Variants in CUL1 observed in about 807,000 individuals in gnomAD.
CUL1 encodes the protein cullin-1.
A neutral mutation model predicts 118.0 loss-of-function variants in CUL1; 24 were observed. That is an observed-to-expected ratio of 0.20 (90% CI 0.15 to 0.29). The LOEUF (loss-of-function observed/expected upper bound fraction) is 0.29, where lower values mean the gene tolerates loss of function less well. Ranked by LOEUF, CUL1 falls within the 10% of genes least tolerant of loss-of-function variation. CUL1 has a pLI of 1.00. For synonymous variants in CUL1, 332 were observed against 340.4 expected, an observed-to-expected ratio of 0.98 and a Z score of 0.27; for missense variants, 361 against 933.8, an observed-to-expected ratio of 0.39 and a Z score of 7.99.
At chr7:148,758,442 G>C (rs1198593273) in intron 4 of CUL1, among the ~76,000 whole-genome samples, 1 of 152,088 alleles carries the variant, frequency 6.6e-6, no homozygotes, top group Non-Finnish European at 1.5e-5. Context: ...AGACCAGCCT[G>C]GGCAGCATAA....
chr7:148,718,759 G>T (rs1224846296), intron 1 of CUL1, among the ~76,000 whole-genome samples: 7 of 152,140 alleles, frequency 4.6e-5, no homozygotes, highest in African/African-American at 1.7e-4. Context: ...GTAGAATAAT[G>T]GGGCATGTGA....
At chr7:148,745,626 A>G (rs1419650578) in intron 2 of CUL1, among the ~76,000 whole-genome samples, 1 of 152,230 alleles carries the variant, frequency 6.6e-6, no homozygotes, top group Admixed American at 6.5e-5. Context: ...ATTAGGATGA[A>G]GATGGACTGG....
At chr7:148,773,779 C>G (rs1307585914) in intron 9 of CUL1, among the ~76,000 whole-genome samples, 2 of 152,158 alleles carry the variant, frequency 1.3e-5, no homozygotes, top group Non-Finnish European at 2.9e-5. Context: ...ACCTATTTAT[C>G]TCTCAAAACC....
chr7:148,781,437 C>T (rs1800629352), intron 9 of CUL1, among the ~76,000 whole-genome samples: 1 of 152,148 alleles, frequency 6.6e-6, no homozygotes, highest in Non-Finnish European at 1.5e-5. Flanking sequence ...CCTCCCATCT[C>T]ACCAGCCAGA....
At chr7:148,782,555 AT>A (rs1189792791) in intron 9 of CUL1, among the ~76,000 whole-genome samples, 1 of 152,180 alleles carries the variant, frequency 6.6e-6, no homozygotes, top group Non-Finnish European at 1.5e-5. Context: ...CTCTTATCAA[AT>A]GTTTATGTCA....
At chr7:148,768,378 CTTTTTTTTTTTTTT>C (rs10595637) in intron 9 of CUL1, among the ~76,000 whole-genome samples, 22 of 94,888 alleles carry the variant, frequency 2.3e-4, no homozygotes, top group African/African-American at 8.6e-4. Context: ...AAGAAAAGCT[CTTTTTTTTTTTTTT>C]TTTTTTTTTT....
intron 17 of CUL1, among the ~76,000 whole-genome samples, chr7:148,797,518 C>T (rs1454541385): frequency 6.6e-6 from 1 of 151,980 alleles, no homozygotes; most frequent in Non-Finnish European, 1.5e-5. Context: ...CCAGGCATTT[C>T]AGATAAGGGT....
chr7:148,713,582 G>GA (rs1000721707), intron 1 of CUL1, among the ~76,000 whole-genome samples: 1 of 151,722 alleles, frequency 6.6e-6, no homozygotes, highest in East Asian at 1.9e-4. Context: ...AACTCTAAGA[G>GA]AAAAAAAATT....
intron 9 of CUL1, among the ~76,000 whole-genome samples, chr7:148,781,904 C>T (rs1800651731): frequency 6.6e-6 from 1 of 152,144 alleles, no homozygotes; most frequent in Non-Finnish European, 1.5e-5. Flanking sequence ...TATATAAACC[C>T]TGTGAGGGGT....
chr7:148,712,747 A>C (rs71532740), intron 1 of CUL1, among the ~76,000 whole-genome samples: 2,374 of 152,306 alleles, frequency 0.016, 34 homozygotes, highest in Non-Finnish European at 0.023. Flanking sequence ...CAGATGATGA[A>C]ATACAGGCGC....
chr7:148,751,152 A>G (rs1267381559), intron 2 of CUL1, among the ~76,000 whole-genome samples: 2 of 152,092 alleles, frequency 1.3e-5, no homozygotes, highest in Non-Finnish European at 1.5e-5. Flanking sequence ...CTCTTAATAA[A>G]GTTAAACCCA....
intron 9 of CUL1, among the ~76,000 whole-genome samples, chr7:148,782,090 A>G (rs1257982678): frequency 6.6e-6 from 1 of 152,188 alleles, no homozygotes; most frequent in Non-Finnish European, 1.5e-5. Context: ...TGTAGGCTGG[A>G]GCACTTTGTA....
At chr7:148,699,705 G>A (rs1585516976) in intron 1 of CUL1, among the ~76,000 whole-genome samples, 1 of 152,080 alleles carries the variant, frequency 6.6e-6, no homozygotes, top group South Asian at 2.1e-4. Context: ...AGAGCGGGCC[G>A]GGGCATGCGC....
chr7:148,749,285 T>C (rs4541821), intron 2 of CUL1, among the ~76,000 whole-genome samples: 2 of 151,520 alleles, frequency 1.3e-5, no homozygotes, highest in African/African-American at 4.9e-5. Context: ...GGCGTGGTGA[T>C]GCACGCCTGT....
intron 2 of CUL1, among the ~76,000 whole-genome samples, chr7:148,733,935 G>A (rs1479896063): frequency 2.0e-5 from 3 of 151,904 alleles, no homozygotes; most frequent in Non-Finnish European, 4.4e-5. Context: ...GACATTTGTG[G>A]TTGCTGTAGC....
chr7:148,734,347 T>C (rs965747575), intron 2 of CUL1, among the ~76,000 whole-genome samples: 10 of 152,138 alleles, frequency 6.6e-5, no homozygotes, highest in Non-Finnish European at 1.0e-4. Context: ...TGGGGTCAGG[T>C]GATCACCCCG....
At chr7:148,766,314 C>G (rs1800003791) in intron 7 of CUL1, among the ~76,000 whole-genome samples, 1 of 151,972 alleles carries the variant, frequency 6.6e-6, no homozygotes, top group Admixed American at 6.6e-5. Context: ...TTTTTAGAGA[C>G]AGGGTCGCAC....
intron 2 of CUL1, among the ~76,000 whole-genome samples, chr7:148,733,232 TGAA>T (rs1241384990): frequency 3.9e-5 from 6 of 152,236 alleles, no homozygotes; most frequent in Non-Finnish European, 8.8e-5. Flanking sequence ...TGAGAAGTTG[TGAA>T]GAAGTATTTT....
intron 8 of CUL1, 45 bp downstream of exon 8, chr7:148,766,768 T>C (rs1014095): frequency 0.74 from 1,128,982 of 1,523,118 alleles, 420,914 homozygotes; most frequent in African/African-American, 0.93. Flanking sequence ...TAATTATCTG[T>C]AGTTTTGATA....
Sources: gnomAD v4.1 joint callset for allele counts (sites outside exome capture counted in the v4.1 genomes callset) on GRCh38, gnomAD v4.1.1 for gene constraint, MANE v1.5 for transcripts, NCBI Gene and HGNC (gene_info 2026-07-23, HGNC 2026-07-21) for gene names.